Variants in USP50 observed in about 807,000 individuals in gnomAD.
USP50 encodes the protein ubiquitin specific peptidase 50, also known as ubiquitin carboxyl-terminal hydrolase 50.
In USP50, 37 loss-of-function variants were observed where a neutral mutation model predicts 39.2. The ratio of observed to expected loss-of-function variants is 0.94; its 90% confidence interval spans 0.73 to 1.24. The LOEUF (loss-of-function observed/expected upper bound fraction) is 1.24. Ranked by LOEUF, USP50 falls within the 50% of genes most tolerant of loss-of-function variation. The probability of loss-of-function intolerance (pLI) is 0.00; values close to 1 mark genes in which losing one functional copy is unlikely to be tolerated. For missense variants in USP50, 374 were observed against 398.2 expected, an observed-to-expected ratio of 0.94 and a Z score of 0.52; for synonymous variants, 139 against 144.5, an observed-to-expected ratio of 0.96 and a Z score of 0.27.
intron 6 of USP50, among the ~76,000 whole-genome samples, chr15:50,529,027 T>C (rs2052919767): frequency 6.6e-6 from 1 of 152,118 alleles, no homozygotes. Flanking sequence ...TGAGTTCCGG[T>C]GGTTTGGTCT....
intron 6 of USP50, chr15:50,501,862 TA>T (rs2052594693): frequency 6.6e-6 from 1 of 152,190 alleles, no homozygotes. Flanking sequence ...ATCCAAGTAA[TA>T]ATAGTATTGT....
intron 5 of USP50, among the ~76,000 whole-genome samples, chr15:50,534,395 A>G (rs913343200): frequency 6.6e-6 from 1 of 152,208 alleles, no homozygotes; most frequent in Non-Finnish European, 1.5e-5. Context: ...GGAGTCATAT[A>G]AGATGCTCAG....
At position 50,536,043 on chromosome 15, in the gene USP50, TAGA is replaced by T. The variant is rs1362319271; in HGVS notation, c.803+2663_803+2665del. ...AACATCATACTTAATGGTGAGTAAC[TAGA>T]AGCTTTCCCACTACAGTCAGGAGCA... On this transcript the variant is annotated intron_variant, in intron 5 of 6. Coordinates refer to ENST00000532404, the MANE Select transcript of USP50 (RefSeq NM_203494.5). Among the ~76,000 whole-genome samples, 6 of 152,166 alleles carry T rather than the reference TAGA, an allele frequency of 3.9e-5. No homozygotes were observed. The South Asian group carries it at 1.2e-3, about 31-fold the overall frequency.
At chr15:50,527,050 G>T (rs767508121) in intron 6 of USP50, among the ~76,000 whole-genome samples, 4 of 152,164 alleles carry the variant, frequency 2.6e-5, no homozygotes, top group Non-Finnish European at 5.9e-5. Context: ...TCATGCAAAG[G>T]CTGGATAAAT....
chr15:50,505,598 C>T (rs547728146), intron 6 of USP50: 1 of 152,148 alleles, frequency 6.6e-6, no homozygotes, highest in Non-Finnish European at 1.5e-5. Flanking sequence ...GATGAAGATC[C>T]GGGCAAATAT....
chr15:50,517,534 A>C (rs140151810), intron 6 of USP50, among the ~76,000 whole-genome samples: 78 of 152,294 alleles, frequency 5.1e-4, no homozygotes, highest in Middle Eastern at 3.4e-3. Flanking sequence ...CAATGGCATT[A>C]AACCAGAAAT....
At chr15:50,518,829 A>T (rs997202916) in intron 6 of USP50, among the ~76,000 whole-genome samples, 9 of 152,206 alleles carry the variant, frequency 5.9e-5, no homozygotes, top group Admixed American at 5.9e-4. Flanking sequence ...TTAAACTAAA[A>T]AGCTTCTGCA....
At chr15:50,524,233 C>G (rs1175812115) in intron 6 of USP50, among the ~76,000 whole-genome samples, 1 of 152,176 alleles carries the variant, frequency 6.6e-6, no homozygotes, top group Non-Finnish European at 1.5e-5. Context: ...TTGGATGTAA[C>G]CCTAAAAGCA....
chr15:50,546,385 T>C, intron 1 of USP50, 88 bp downstream of exon 1: 1 of 1,413,626 alleles, frequency 7.1e-7, no homozygotes, highest in Non-Finnish European at 1.0e-6. Context: ...AGAACCCTCC[T>C]GAATGCAGTG....
intron 5 of USP50, among the ~76,000 whole-genome samples, chr15:50,534,575 C>T (rs764668082): frequency 2.6e-5 from 4 of 152,014 alleles, no homozygotes; most frequent in South Asian, 2.1e-4. Flanking sequence ...TGTTTTAATC[C>T]GTGAATCAAA....
At chr15:50,500,918 G>A in intron 6 of USP50, 81 bp from the exon 7 acceptor site, 1 of 1,179,926 alleles carries the variant, frequency 8.5e-7, no homozygotes, top group Non-Finnish European at 1.2e-6. Context: ...GCCAAGAGAT[G>A]CTTTTTAAAT....
At chr15:50,536,782 T>C (rs998014718) in intron 5 of USP50, among the ~76,000 whole-genome samples, 8 of 152,058 alleles carry the variant, frequency 5.3e-5, no homozygotes, top group African/African-American at 1.9e-4. Context: ...AAAATTCTCA[T>C]GAAAGAAATC....
At chr15:50,497,219 T>A, downstream of USP50, 1 of 1,607,688 alleles carries the variant, frequency 6.2e-7, no homozygotes, top group Non-Finnish European at 8.5e-7. Context: ...GTGCTTTTAG[T>A]GCATCTGAAA....
At chr15:50,541,363 A>C in intron 3 of USP50, 99 bp from the exon 4 acceptor site, 1 of 962,940 alleles carries the variant, frequency 1.0e-6, no homozygotes, top group Non-Finnish European at 1.5e-6. Context: ...AAAACAAAAA[A>C]TTAGCTAGGC....
rs1173537945 is a variant in USP50, at chr15:50,525,432, AAT to A, written c.936+4363_936+4364del. Among the ~76,000 whole-genome samples, 3 of 151,570 alleles carry A rather than the reference AAT, an allele frequency of 2.0e-5. No homozygotes were observed. The Admixed American group carries it at 2.0e-4, about 10-fold the overall frequency. ...ACCACAAAAAATAAGTGAGGTGAGG[AAT>A]ATGTTAGCTTGATTTAATCATTCCA... On this transcript the variant is annotated intron_variant, in intron 6 of 6. Coordinates refer to ENST00000532404, the MANE Select transcript of USP50 (RefSeq NM_203494.5).
chr15:50,514,996 A>AAAC (rs2052789993), intron 6 of USP50, among the ~76,000 whole-genome samples: 1 of 147,318 alleles, frequency 6.8e-6, no homozygotes. Flanking sequence ...ACACAGTCTA[A>AAAC]AAAAAAAAAA....
At chr15:50,533,829 C>T (rs775485642) in intron 5 of USP50, among the ~76,000 whole-genome samples, 16 of 152,032 alleles carry the variant, frequency 1.1e-4, no homozygotes, top group Non-Finnish European at 1.9e-4. Context: ...GGTGAAACCC[C>T]GTCTCTACCA....
intron 1 of USP50, among the ~76,000 whole-genome samples, chr15:50,495,361 G>T (rs187327114): frequency 5.3e-5 from 8 of 150,208 alleles, no homozygotes; most frequent in East Asian, 2.0e-4. Context: ...TACATATATA[G>T]AGAGAGAGAG....
At chr15:50,543,893 T>G in intron 2 of USP50, 100 bp from the exon 3 acceptor site, 1 of 1,202,792 alleles carries the variant, frequency 8.3e-7, no homozygotes, top group Non-Finnish European at 1.2e-6. Flanking sequence ...AAGAACGTGG[T>G]GTCTCATGCC....
Sources: allele counts gnomAD v4.1 joint callset (sites outside exome capture counted in the v4.1 genomes callset), GRCh38; gene constraint gnomAD v4.1.1; transcripts MANE v1.5; gene names NCBI Gene and HGNC (gene_info 2026-07-23, HGNC 2026-07-21).